The following MACROD2 variants were observed in gnomAD, a reference collection of about 807,000 sequenced individuals.
MACROD2 encodes ADP-ribose glycohydrolase MACROD2.
Under a neutral mutation model 70.4 loss-of-function variants are expected in MACROD2, and 36 were observed. The ratio of observed to expected loss-of-function variants is 0.51; its 90% CI spans 0.39 to 0.68. The LOEUF is 0.68. MACROD2 is among the 30% of genes least tolerant of loss of function. MACROD2 has a pLI of 0.00. For synonymous variants in MACROD2, 172 were observed against 178.8 expected (o/e 0.96, Z 0.30); for missense variants, 496 against 538.4 (o/e 0.92, Z 0.78).
At chr20:15,430,300 G>A (rs561187256) in intron 6 of MACROD2, among the ~76,000 whole-genome samples, 1 of 152,132 alleles carries the variant, frequency 6.6e-6, no homozygotes, top group Non-Finnish European at 1.5e-5. Flanking sequence ...CCTTTGAGGA[G>A]ATACTGAGCA....
intron 2 of MACROD2, among the ~76,000 whole-genome samples, chr20:14,070,983 A>C (rs925687555): frequency 6.6e-6 from 1 of 152,070 alleles, no homozygotes; most frequent in Admixed American, 6.6e-5. Flanking sequence ...GGGCAAAAAA[A>C]CCCTTCCAAA....
chr20:14,595,795 T>C (rs1230163050), intron 4 of MACROD2, among the ~76,000 whole-genome samples: 2 of 152,198 alleles, frequency 1.3e-5, no homozygotes, highest in Non-Finnish European at 2.9e-5. Flanking sequence ...ACTGTTCTGT[T>C]GAAAGACATT....
chr20:14,187,781 C>T (rs182584798), intron 3 of MACROD2, among the ~76,000 whole-genome samples: 1 of 152,264 alleles, frequency 6.6e-6, no homozygotes, highest in Non-Finnish European at 1.5e-5. Flanking sequence ...TTTGCCTGTG[C>T]TCAGCCTATC....
chr20:14,994,597 A>AT (rs2074933982), intron 5 of MACROD2, among the ~76,000 whole-genome samples: 1 of 152,136 alleles, frequency 6.6e-6, no homozygotes, highest in East Asian at 1.9e-4. Flanking sequence ...CCCACCAAAA[A>AT]ATATATAATA....
chr20:15,837,344 T>C (rs943789852), intron 8 of MACROD2, among the ~76,000 whole-genome samples: 3 of 152,164 alleles, frequency 2.0e-5, no homozygotes, highest in Non-Finnish European at 1.5e-5. Flanking sequence ...GAAAATCTTA[T>C]TGAATGGGAC....
intron 8 of MACROD2, among the ~76,000 whole-genome samples, chr20:15,709,247 G>C (rs974018769): frequency 6.6e-6 from 1 of 152,234 alleles, no homozygotes; most frequent in East Asian, 1.9e-4. Context: ...CGGTGAACGG[G>C]AGGAGCAGGC....
At chr20:14,923,599 G>A (rs1324393) in intron 5 of MACROD2, among the ~76,000 whole-genome samples, 6,429 of 152,114 alleles carry the variant, frequency 0.042, 182 homozygotes, top group Non-Finnish European at 0.063. Flanking sequence ...GTCTCTTAGA[G>A]AAAATCTTGT....
chr20:14,848,544 G>A (rs1047004582), intron 5 of MACROD2, among the ~76,000 whole-genome samples: 1 of 151,998 alleles, frequency 6.6e-6, no homozygotes, highest in African/African-American at 2.4e-5. Flanking sequence ...GCAAGTGCAT[G>A]ACAAGTAAAA....
chr20:15,460,623 C>A (rs1167885325), intron 7 of MACROD2, among the ~76,000 whole-genome samples: 1 of 152,144 alleles, frequency 6.6e-6, no homozygotes, highest in Non-Finnish European at 1.5e-5. Flanking sequence ...CTTTGACTGC[C>A]TGTTAGCTCA....
chr20:15,754,722 C>A (rs1385664835), intron 8 of MACROD2, among the ~76,000 whole-genome samples: 1 of 149,592 alleles, frequency 6.7e-6, no homozygotes, highest in Admixed American at 6.6e-5. Flanking sequence ...TAAACAGAAC[C>A]CATCTCAGTG....
Position 15,629,012 on chromosome 20 carries a change from A to G in MACROD2, c.645+129165A>G, listed in dbSNP as rs191739351. Among the ~76,000 whole-genome samples the G allele has an allele frequency of 2.4e-4, 37 of 152,294 alleles. No individual in the cohort carries two copies. In the East Asian group the frequency reaches 2.7e-3, roughly 11 times the overall value. On this transcript the variant is annotated intron_variant, in intron 8 of 17. Coordinates refer to ENST00000684519, the MANE Select transcript of MACROD2 (RefSeq NM_001351661.2). The stretch of plus-strand genomic sequence containing the variant: ...CTACATTTTAATTATTCATTCTACT[A>G]CTAATGGACATTTGGGTCATTCCCA...
rs73258709 is a variant in MACROD2 at position 14,556,418 on chromosome 20, G to C, written c.301+62910G>C. ...GTTATCTGTCATATATCCTGAGCTAGGTGCTACAGAAGCCTCCAAACTGCC... is the reference window on the plus strand; with the variant it reads ...GTTATCTGTCATATATCCTGAGCTACGTGCTACAGAAGCCTCCAAACTGCC... On this transcript the variant is annotated intron_variant, in intron 4 of 17. Transcript: ENST00000684519. Among the ~76,000 whole-genome samples, 202 of 152,168 alleles carry C rather than the reference G, an allele frequency of 1.3e-3. 1 individual carries two copies. Among genetic ancestry groups the C allele is most frequent in the African/African-American group, 4.5e-3 (187 of 41,552 alleles).
At chr20:15,132,145 A>T (rs961064112) in intron 5 of MACROD2, among the ~76,000 whole-genome samples, 2 of 152,068 alleles carry the variant, frequency 1.3e-5, no homozygotes, top group Admixed American at 6.6e-5. Context: ...GTGTATGATA[A>T]AAGTTGCAAT....
At chr20:15,947,201 GA>G (rs1368340474) in intron 12 of MACROD2, among the ~76,000 whole-genome samples, 3 of 152,100 alleles carry the variant, frequency 2.0e-5, no homozygotes, top group African/African-American at 7.2e-5. Context: ...TCAACTGCAA[GA>G]GGCTTTCCTC....
Position 14,846,004 on chromosome 20 carries a change from G to A in MACROD2, c.418+161045G>A, listed in dbSNP as rs189695367. Among the ~76,000 whole-genome samples, 92 of 152,106 alleles carry A rather than the reference G, an allele frequency of 6.0e-4. 2 individuals are homozygous for A. Among genetic ancestry groups the A allele is most frequent in the African/African-American group, 2.0e-3 (84 of 41,502 alleles). On this transcript the variant is annotated intron_variant, in intron 5 of 17. Coordinates refer to ENST00000684519, the MANE Select transcript of MACROD2 (RefSeq NM_001351661.2). ...GAGTCTAAGCCAAATCCACACTTGA[G>A]TATTTTTTTAATTTATCCAGGTGTT...
chr20:15,291,586 T>C (rs911048934), intron 6 of MACROD2, among the ~76,000 whole-genome samples: 5 of 152,236 alleles, frequency 3.3e-5, no homozygotes, highest in Non-Finnish European at 7.3e-5. Flanking sequence ...CAACATAGAT[T>C]CATTTAAACA....
rs188228734 is a variant in MACROD2 at position 14,398,901 on chromosome 20, T to A, written c.272-94578T>A. ...GGTCTTCCTTTTATATTCCTTTTTT[T>A]AAAATTAAACAGCACGCCCTGTTCA... On this transcript the variant is annotated intron_variant, in intron 3 of 17. Transcript: ENST00000684519. Among the ~76,000 whole-genome samples, 404 of 152,304 alleles carry A rather than the reference T, an allele frequency of 2.7e-3. 1 individual carries two copies. Among genetic ancestry groups the A allele is most frequent in the Non-Finnish European group, 5.1e-3 (350 of 68,024 alleles).
intron 5 of MACROD2, among the ~76,000 whole-genome samples, chr20:15,125,341 A>T (rs1336186435): frequency 6.6e-6 from 1 of 152,054 alleles, no homozygotes; most frequent in Non-Finnish European, 1.5e-5. Context: ...ACCCTGAGTG[A>T]GCAGAAAAGC....
chr20:14,064,313 C>G (rs150601345), intron 2 of MACROD2, among the ~76,000 whole-genome samples: 184 of 152,248 alleles, frequency 1.2e-3, no homozygotes, highest in Non-Finnish European at 1.9e-3. Context: ...GGGCCACTAC[C>G]ACATGATGGT....
Sources: gnomAD v4.1 joint callset for allele counts (sites outside exome capture counted in the v4.1 genomes callset) on GRCh38, gnomAD v4.1.1 for gene constraint, MANE v1.5 for transcripts, NCBI Gene and HGNC (gene_info 2026-07-23, HGNC 2026-07-21) for gene names.